Variants in PKD1L1 observed in about 807,000 individuals in gnomAD.
PKD1L1 encodes the protein polycystin-1-like protein 1.
In PKD1L1, 236 loss-of-function variants were observed where a neutral mutation model predicts 323.4. The ratio of observed to expected loss-of-function variants is 0.73; its 90% CI spans 0.66 to 0.81. The LOEUF is 0.81. PKD1L1 is among the 40% of genes least tolerant of loss of function. The probability of loss-of-function intolerance (pLI) is 0.00; values close to 1 mark genes in which losing one functional copy is unlikely to be tolerated. For missense variants in PKD1L1, 3,320 were observed against 3,508.0 expected (o/e 0.95, Z 1.35); for synonymous variants, 1,344 against 1,335.0 (o/e 1.01, Z -0.15).
chr7:47,795,314 T>G (rs1417020486), intron 55 of PKD1L1: 1 of 454,474 alleles, frequency 2.2e-6, no homozygotes, highest in Non-Finnish European at 4.4e-6. Context: ...TGAAGAAGTC[T>G]CACAAGATCT....
chr7:47,841,013 G>A (rs182619009), intron 34 of PKD1L1, among the ~76,000 whole-genome samples: 128 of 152,334 alleles, frequency 8.4e-4, no homozygotes, highest in Non-Finnish European at 1.2e-3. Flanking sequence ...TGGGCTTGTC[G>A]TTCTCACTGG....
At chr7:47,781,416 T>TG (rs1562927394) in intron 56 of PKD1L1, among the ~76,000 whole-genome samples, 1 of 128,622 alleles carries the variant, frequency 7.8e-6, no homozygotes, top group Non-Finnish European at 1.6e-5. Context: ...TTTGTTTTTT[T>TG]TTTTTTTTTT....
rs756665465 is a variant in PKD1L1, at chr7:47,857,771, T to A, written c.4424A>T (p.Tyr1475Phe). The change falls in exon 28 of 57, where the codon TAC becomes TTC. Residue 1475 changes from tyrosine (Y) to phenylalanine (F), a missense_variant. By Grantham distance (22) the Tyr-to-Phe change is conservative. Transcript: ENST00000289672. ...GCTCTGGACAGAGCTCTGAAGGTTG[T>A]AATGAAGAAGGGTCCGGAACTCCAT... ...GQMEFRTLLH[Y>F]NLQSSVQSLG... 5.6e-6 allele frequency: 9 copies of A among 1,614,092 alleles called. No individual in the cohort carries two copies. In the South Asian group the frequency reaches 8.8e-5, roughly 16 times the overall value.
chr7:47,902,917 C>T (rs1188827045), intron 12 of PKD1L1, among the ~76,000 whole-genome samples: 5 of 152,236 alleles, frequency 3.3e-5, no homozygotes, highest in African/African-American at 7.2e-5. Flanking sequence ...GGGGGGTCTC[C>T]GGGGATGGTC....
In PKD1L1 at chr7:47,880,573, T is replaced by C. The variant is rs62447079; in HGVS notation, c.3520+155A>G. 0.36 allele frequency among the ~76,000 whole-genome samples: 53,129 copies of C among 149,468 alleles called. 10,710 individuals are homozygous for C. The highest frequency in any genetic ancestry group is 0.55 in the African/African-American group (22,162 of 40,124). On this transcript the variant is annotated intron_variant, in intron 21 of 56. Coordinates refer to ENST00000289672, the MANE Select transcript of PKD1L1 (RefSeq NM_138295.5). Reference sequence around the variant, plus strand: ...CTGGGATTACAAGCGTGAGCCACTGTGCCCAGCCCTATATATATGTAATTT... The same window carrying C: ...CTGGGATTACAAGCGTGAGCCACTGCGCCCAGCCCTATATATATGTAATTT...
chr7:47,960,130 GTGGTGCAAGATGTGCTT>G, the PKD1L1 span, among the ~76,000 whole-genome samples: 1 of 151,022 alleles, frequency 6.6e-6, no homozygotes, highest in South Asian at 2.1e-4. Context: ...TGGATTAAGG[GTGGTGCAAGATGTGCTT>G]TGTTAAACAG....
In PKD1L1 at chr7:47,813,120, C is replaced by A. The variant is rs1562941941; in HGVS notation, c.7346+1G>T. 6.2e-7 allele frequency: 1 copy of A among 1,612,468 alleles called. No homozygotes were observed. Among genetic ancestry groups the A allele is most frequent in the Admixed American group, 1.7e-5 (1 of 59,938 alleles). On this transcript the variant is annotated splice_donor_variant, in intron 49 of 56. Transcript: ENST00000289672. LOFTEE classifies it high-confidence loss of function. The stretch of plus-strand genomic sequence containing the variant: ...GCCCCGGCCCTTCGAATCTCACTGA[C>A]CTTGTTCTGCCCAGGCTGAGCACAC...
intron 52 of PKD1L1, 61 bp downstream of exon 52, chr7:47,808,186 C>A: frequency 6.3e-7 from 1 of 1,579,472 alleles, no homozygotes. Context: ...GTGACCTCTG[C>A]CTTTTGGATG....
Position 47,808,382 on chromosome 7 carries a change from G to A in PKD1L1, c.7692C>T (p.Ser2564=), listed in dbSNP as rs546692535. The part of the protein sequence containing the change: ...WRKPRNWLEL[S]VVGVSLTYYA... ...AGTAGGTGAGGCTCACTCCAACCACGGAGAGCTGGAACATCCAAGAGAAAG... is the reference window on the plus strand; with the variant it reads ...AGTAGGTGAGGCTCACTCCAACCACAGAGAGCTGGAACATCCAAGAGAAAG... The change falls in exon 52 of 57, where the codon TCC becomes TCT. Residue 2564 remains serine, a synonymous_variant. Transcript: ENST00000289672. 8.7e-6 allele frequency: 14 copies of A among 1,613,868 alleles called. 1 individual carries two copies. The South Asian group carries it at 8.8e-5, about 10-fold the overall frequency.
chr7:47,833,194 T>C lies in PKD1L1; in HGVS notation c.6233A>G (p.Asp2078Gly). ...SGRAQRKAAS[D>G]NGTACPAPKL... is the part of the protein sequence containing the mutation. ...AGGGGCTGGACAAGCTGTGCCATTG[T>C]CACTTGCCGCCTTCCTTTGGGCCCT... The change falls in exon 41 of 57, where the codon GAC becomes GGC. Residue 2078 changes from aspartate to glycine, a missense_variant. By Grantham distance (94) the Asp-to-Gly change is moderately conservative. Transcript: ENST00000289672. The C allele has an allele frequency of 6.2e-7, 1 of 1,612,920 alleles. No homozygotes were observed. The highest frequency in any genetic ancestry group is 1.1e-5 in the South Asian group (1 of 90,750).
At chr7:47,920,846 AGACT>A (rs1244037863) in intron 7 of PKD1L1, among the ~76,000 whole-genome samples, 2 of 152,212 alleles carry the variant, frequency 1.3e-5, no homozygotes, top group African/African-American at 4.8e-5. Context: ...CACATGTAGG[AGACT>A]GAAACTGGAT....
chr7:47,855,803 G>A (rs1211116644), intron 28 of PKD1L1, among the ~76,000 whole-genome samples: 3 of 95,456 alleles, frequency 3.1e-5, no homozygotes, highest in Non-Finnish European at 6.2e-5. Flanking sequence ...GTGAACCCGG[G>A]AGGCGGAGCT....
chr7:47,814,303 A>T (rs1452277140), intron 47 of PKD1L1, among the ~76,000 whole-genome samples: 1 of 152,240 alleles, frequency 6.6e-6, no homozygotes, highest in African/African-American at 2.4e-5. Flanking sequence ...CTCCAGTGTC[A>T]TCAACCCAAG....
In PKD1L1 at chr7:47,900,979, T is replaced by G. The variant is rs554463607; in HGVS notation, c.2064+1400A>C. 3.3e-5 allele frequency among the ~76,000 whole-genome samples: 5 copies of G among 152,274 alleles called. No individual in the cohort carries two copies. The East Asian group carries it at 9.7e-4, about 29-fold the overall frequency. On this transcript the variant is annotated intron_variant, in intron 13 of 56. Coordinates refer to ENST00000289672, the MANE Select transcript of PKD1L1 (RefSeq NM_138295.5). ...AAATAAATAATTAGACAAAAGTGGCTATCACCTACTGCCTGGATTTGAGAT... is the reference window on the plus strand; with the variant it reads ...AAATAAATAATTAGACAAAAGTGGCGATCACCTACTGCCTGGATTTGAGAT...
At chr7:47,944,606 G>T (rs1742249631) in intron 1 of PKD1L1, among the ~76,000 whole-genome samples, 1 of 152,218 alleles carries the variant, frequency 6.6e-6, no homozygotes, top group Non-Finnish European at 1.5e-5. Flanking sequence ...TTCCTTCAAA[G>T]CTCTCTACAG....
At chr7:47,842,426 C>G (rs1785580385) in intron 34 of PKD1L1, among the ~76,000 whole-genome samples, 1 of 152,150 alleles carries the variant, frequency 6.6e-6, no homozygotes, top group Non-Finnish European at 1.5e-5. Context: ...GGGAGTCTCC[C>G]TCTCTGAGGG....
At position 47,898,112 on chromosome 7, in the gene PKD1L1, G is replaced by A; in HGVS notation, c.2147C>T (p.Thr716Ile). The change falls in exon 14 of 57, where the codon ACC (threonine) becomes ATC (isoleucine). Residue 716 changes from threonine (T) to isoleucine (I), a missense_variant. Physicochemically the swap from Thr to Ile is moderately conservative, Grantham distance 89. Transcript: ENST00000289672. Reference sequence around the variant, plus strand: ...CCCTTCAGAGTCCATCAAGTTCCAGGTGTAAGAAAGACCTTGGGAAATATC... The same window carrying A: ...CCCTTCAGAGTCCATCAAGTTCCAGATGTAAGAAAGACCTTGGGAAATATC... ...FCDISQGLSY[T>I]WNLMDSEGLP... is the part of the protein sequence containing the mutation. 6.2e-7 allele frequency: 1 copy of A among 1,614,130 alleles called. No individual in the cohort carries two copies. The highest frequency in any genetic ancestry group is 8.5e-7 in the Non-Finnish European group (1 of 1,180,024).
chr7:47,928,215 T>C lies in PKD1L1; in HGVS notation c.1060+989A>G, dbSNP rs1398593664. Among the ~76,000 whole-genome samples the C allele has an allele frequency of 2.2e-4, 34 of 152,174 alleles. 1 individual carries two copies. Among genetic ancestry groups the C allele is most frequent in the Admixed American group, 2.2e-3 (34 of 15,272 alleles). The stretch of plus-strand genomic sequence containing the variant: ...AAAAGGACTTTTTACTATATAACTT[T>C]CTAGAATGTGGGAGTTTACACCATG... On this transcript the variant is annotated intron_variant, in intron 7 of 56. Transcript: ENST00000289672.
chr7:47,945,662 C>G (rs1480494193), intron 1 of PKD1L1, among the ~76,000 whole-genome samples: 2 of 152,194 alleles, frequency 1.3e-5, no homozygotes, highest in East Asian at 3.8e-4. Context: ...CTGCAATGAT[C>G]TAGCGGGCAA....
Sources: gnomAD v4.1 joint callset for allele counts (sites outside exome capture counted in the v4.1 genomes callset) on GRCh38, gnomAD v4.1.1 for gene constraint, MANE v1.5 for transcripts, NCBI Gene and HGNC (gene_info 2026-07-23, HGNC 2026-07-21) for gene names.